Variants in NRXN3 observed in about 807,000 individuals in gnomAD.
NRXN3 encodes the protein neurexin III.
Under a neutral mutation model 137.6 loss-of-function variants are expected in NRXN3, and 32 were observed. That is an observed-to-expected ratio of 0.23 (90% CI 0.18 to 0.31). The LOEUF is 0.31. NRXN3 is among the 10% of genes least tolerant of loss of function. The probability of loss-of-function intolerance (pLI) is 1.00; values close to 1 mark genes in which losing one functional copy is unlikely to be tolerated. For missense variants in NRXN3, 1,574 were observed against 2,062.5 expected, an observed-to-expected ratio of 0.76 and a Z score of 4.59; for synonymous variants, 798 against 784.5, an observed-to-expected ratio of 1.02 and a Z score of -0.29.
Position 79,867,771 on chromosome 14 carries a change from A to C in NRXN3, c.*5807A>C. The C allele has an allele frequency of 6.6e-6, 1 of 152,216 alleles. No homozygotes were observed. Among genetic ancestry groups the C allele is most frequent in the Non-Finnish European group, 1.5e-5 (1 of 68,084 alleles). 9.4% of individuals were successfully genotyped at this position (152,216 alleles called of 1,614,324 possible). ...GAAGTGGTTACATGGCCCAAGTAGAAGAGCAAATAATTCCAAGAGACACCA... is the reference window on the plus strand; with the variant it reads ...GAAGTGGTTACATGGCCCAAGTAGACGAGCAAATAATTCCAAGAGACACCA... On this transcript the variant is annotated 3_prime_UTR_variant, in exon 21 of 21. Coordinates refer to ENST00000335750, the MANE Select transcript of NRXN3 (RefSeq NM_001330195.2).
chr14:79,123,577 T>C (rs2055865012), intron 15 of NRXN3, among the ~76,000 whole-genome samples: 1 of 152,144 alleles, frequency 6.6e-6, no homozygotes, highest in Admixed American at 6.5e-5. Flanking sequence ...TTGAGATGGA[T>C]AAGAAACTGT....
At chr14:78,952,858 C>A (rs2099389674) in intron 10 of NRXN3, among the ~76,000 whole-genome samples, 1 of 152,182 alleles carries the variant, frequency 6.6e-6, no homozygotes, top group Admixed American at 6.5e-5. Context: ...CCCTCCCTCC[C>A]CAACCTCCAC....
intron 15 of NRXN3, among the ~76,000 whole-genome samples, chr14:79,293,543 A>G (rs904280600): frequency 1.3e-5 from 2 of 152,238 alleles, no homozygotes; most frequent in African/African-American, 4.8e-5. Flanking sequence ...GTCTCTTTCT[A>G]GTCTCTTTCT....
chr14:78,988,180 A>G, intron 15 of NRXN3, 39 bp downstream of exon 15: 1 of 1,611,798 alleles, frequency 6.2e-7, no homozygotes, highest in Middle Eastern at 1.7e-4. Flanking sequence ...CTTTGTGAAG[A>G]TGTTTGGAGA....
chr14:79,637,386 C>T (rs2098409503), intron 16 of NRXN3, among the ~76,000 whole-genome samples: 1 of 152,164 alleles, frequency 6.6e-6, no homozygotes, highest in South Asian at 2.1e-4. Context: ...AGCCCCACCA[C>T]ATTGTAAAGA....
intron 19 of NRXN3, among the ~76,000 whole-genome samples, chr14:79,791,584 A>G (rs1054526674): frequency 6.7e-6 from 1 of 149,778 alleles, no homozygotes; most frequent in African/African-American, 2.4e-5. Flanking sequence ...TTATTTTATA[A>G]TTGTCAAGTT....
Position 78,330,120 on chromosome 14 carries a change from A to G in NRXN3, c.757+32260A>G, listed in dbSNP as rs565862757. ...TTTCTGTACTCCTAGTGACACAGTTAAACAGAGAATATTTTAAAATCTTAG... is the reference window on the plus strand; with the variant it reads ...TTTCTGTACTCCTAGTGACACAGTTGAACAGAGAATATTTTAAAATCTTAG... On this transcript the variant is annotated intron_variant, in intron 4 of 20. Coordinates refer to ENST00000335750, the MANE Select transcript of NRXN3 (RefSeq NM_001330195.2). Among the ~76,000 whole-genome samples the G allele has an allele frequency of 2.6e-5, 4 of 152,312 alleles. No individual in the cohort carries two copies. The South Asian group carries it at 8.3e-4, about 32-fold the overall frequency.
At chr14:78,591,829 G>A (rs1294244983) in intron 4 of NRXN3, among the ~76,000 whole-genome samples, 1 of 152,144 alleles carries the variant, frequency 6.6e-6, no homozygotes, top group Non-Finnish European at 1.5e-5. Flanking sequence ...TGACAGTTGC[G>A]CCATCGCCAT....
intron 15 of NRXN3, among the ~76,000 whole-genome samples, chr14:79,022,406 G>A (rs1302465733): frequency 6.6e-6 from 1 of 152,020 alleles, no homozygotes; most frequent in Admixed American, 6.6e-5. Flanking sequence ...AAAATACACA[G>A]CTGAAAAAAG....
chr14:79,253,290 T>C (rs186006874), intron 15 of NRXN3, among the ~76,000 whole-genome samples: 1 of 152,284 alleles, frequency 6.6e-6, no homozygotes, highest in East Asian at 1.9e-4. Context: ...TACTCGTAGA[T>C]AGACAGGGAA....
intron 1 of NRXN3, among the ~76,000 whole-genome samples, chr14:78,183,922 A>T (rs1329238101): frequency 6.6e-6 from 1 of 152,194 alleles, no homozygotes; most frequent in Non-Finnish European, 1.5e-5. Context: ...GGAAGTAAGA[A>T]GGTTGCCTCG....
At chr14:79,401,866 A>C (rs2095206755) in intron 15 of NRXN3, among the ~76,000 whole-genome samples, 1 of 151,530 alleles carries the variant, frequency 6.6e-6, no homozygotes, top group African/African-American at 2.4e-5. Context: ...AAAAAAAAAC[A>C]ATGAGTATTG....
intron 19 of NRXN3, among the ~76,000 whole-genome samples, chr14:79,799,881 A>G (rs773939457): frequency 2.2e-4 from 34 of 152,206 alleles, no homozygotes; most frequent in Non-Finnish European, 3.5e-4. Context: ...GAGCAGAGGA[A>G]CTGTGTCTTA....
At chr14:79,254,732 G>C (rs1226597879) in intron 15 of NRXN3, among the ~76,000 whole-genome samples, 1 of 152,186 alleles carries the variant, frequency 6.6e-6, no homozygotes, top group East Asian at 1.9e-4. Context: ...TTGCATTACA[G>C]GCTTTAGAGG....
intron 19 of NRXN3, among the ~76,000 whole-genome samples, chr14:79,733,037 C>T (rs1005713632): frequency 2.1e-4 from 32 of 151,980 alleles, no homozygotes; most frequent in Admixed American, 1.9e-3. Flanking sequence ...AAAATTAAAT[C>T]TTTGTCATAA....
At chr14:79,362,392 C>T (rs114124642) in intron 15 of NRXN3, among the ~76,000 whole-genome samples, 2,168 of 150,542 alleles carry the variant, frequency 0.014, 57 homozygotes, top group African/African-American at 0.051. Context: ...GGTCATTCAT[C>T]GTCCTCCAGT....
At chr14:79,285,663 C>A (rs558670143) in intron 15 of NRXN3, among the ~76,000 whole-genome samples, 9 of 152,232 alleles carry the variant, frequency 5.9e-5, no homozygotes, top group African/African-American at 2.2e-4. Context: ...TCCAAATTCT[C>A]CCTTCTTATA....
chr14:79,859,195 G>A (rs1320154179), intron 20 of NRXN3, among the ~76,000 whole-genome samples: 1 of 152,118 alleles, frequency 6.6e-6, no homozygotes, highest in Non-Finnish European at 1.5e-5. Context: ...GGCCAGAGAT[G>A]ACACTGCAAC....
chr14:79,609,765 G>A (rs1335806152), intron 16 of NRXN3, among the ~76,000 whole-genome samples: 3 of 152,076 alleles, frequency 2.0e-5, no homozygotes, highest in Admixed American at 1.3e-4. Flanking sequence ...ATACCAAAAC[G>A]AATATGCCAG....
Sources: allele counts gnomAD v4.1 joint callset (sites outside exome capture counted in the v4.1 genomes callset), GRCh38; gene constraint gnomAD v4.1.1; transcripts MANE v1.5; gene names NCBI Gene and HGNC (gene_info 2026-07-23, HGNC 2026-07-21).